Variants in AP3B2 observed in about 807,000 individuals in gnomAD.
AP3B2 encodes AP-3 complex subunit beta-2.
Under a neutral mutation model 126.9 loss-of-function variants are expected in AP3B2, and 50 were observed. The observed-to-expected ratio is 0.39, with a 90% CI of 0.31 to 0.50. AP3B2 has a LOEUF of 0.50. AP3B2 is among the 20% of genes least tolerant of loss of function. The pLI, the probability that AP3B2 is intolerant of heterozygous loss-of-function variation, is 0.79. For synonymous variants in AP3B2, 541 were observed against 565.0 expected (o/e 0.96, Z 0.60); for missense variants, 1,177 against 1,426.4 (o/e 0.83, Z 2.82).
chr15:82,682,091 C>G (rs1209750362), intron 4 of AP3B2, among the ~76,000 whole-genome samples: 1 of 121,668 alleles, frequency 8.2e-6, no homozygotes, highest in African/African-American at 3.1e-5. Flanking sequence ...CTCGCTCTGT[C>G]GCCAGGCTGG....
intron 10 of AP3B2, 26 bp downstream of exon 10, chr15:82,679,703 C>T (rs1256853689): frequency 1.2e-6 from 2 of 1,603,304 alleles, no homozygotes; most frequent in Non-Finnish European, 1.7e-6. Context: ...GGCTGGGAAG[C>T]ACATGCACTT....
chr15:82,689,437 C>G lies in AP3B2; in HGVS notation c.130G>C (p.Glu44Gln). Residue 44 changes from glutamate to glutamine, a missense_variant, in exon 2 of 27, where the codon GAG (glutamate) becomes CAG (glutamine). Transcript: ENST00000535359. ...SDYKRHDDLK[E>Q]MLDTNKDSLK... ...GAATCCTTGTTGGTGTCCAGCATCT[C>G]CTTCAGGTCATCATGCCTGGTGGGA... 1 of 1,613,678 alleles carries G rather than the reference C, an allele frequency of 6.2e-7. No individual in the cohort carries two copies. The highest frequency in any genetic ancestry group is 8.5e-7 in the Non-Finnish European group (1 of 1,179,812).
intron 13 of AP3B2, 103 bp from the exon 14 acceptor site, chr15:82,676,740 T>C: frequency 8.4e-7 from 1 of 1,193,156 alleles, no homozygotes; most frequent in Non-Finnish European, 1.2e-6. Context: ...TGCTGGCCTG[T>C]TGTATTATGG....
chr15:82,663,104 G>C, intron 22 of AP3B2, 23 bp downstream of exon 22: 3 of 1,588,366 alleles, frequency 1.9e-6, no homozygotes, highest in South Asian at 1.1e-5. Flanking sequence ...CCCCAGCCCG[G>C]TCCCCTCCTC....
At chr15:82,675,062 T>G (rs999882797) in intron 14 of AP3B2, among the ~76,000 whole-genome samples, 1 of 152,162 alleles carries the variant, frequency 6.6e-6, no homozygotes, top group African/African-American at 2.4e-5. Flanking sequence ...CACTTGCTCC[T>G]TCCTCCCACC....
At chr15:82,695,032 G>A (rs1041981923) in intron 1 of AP3B2, among the ~76,000 whole-genome samples, 2 of 151,754 alleles carry the variant, frequency 1.3e-5, no homozygotes, top group African/African-American at 4.8e-5. Flanking sequence ...AAATCCCTTG[G>A]AATTTCCTGG....
rs546533086 is a variant in AP3B2 at position 82,681,557 on chromosome 15, G to A, written c.384C>T (p.Ala128=). The A allele has an allele frequency of 3.1e-6, 5 of 1,613,734 alleles. No individual in the cohort carries two copies. The highest frequency in any genetic ancestry group is 2.7e-5 in the African/African-American group (2 of 75,038). Residue 128 remains alanine (A), a synonymous_variant, in exon 5 of 27, where the codon GCC becomes GCT. Transcript: ENST00000535359. The surrounding 1 kb of genome is among the most constrained non-coding windows in gnomAD (Gnocchi z 4.0). ...GLKDPNQLIR[A]SALRVLSSIR... ...TGCTAGAGAGGACACGGAGGGCACT[G>A]GCACGAATCAGCTGGTTGGGATCCT...
chr15:82,662,348 C>T, intron 23 of AP3B2, 96 bp from the exon 24 acceptor site: 1 of 937,826 alleles, frequency 1.1e-6, no homozygotes, highest in Non-Finnish European at 1.7e-6. Context: ...TCCACTGTCA[C>T]AGCTGACCAG....
chr15:82,659,677 G>A lies in AP3B2; in HGVS notation c.3189C>T (p.Leu1063=), dbSNP rs777678002. 19 of 1,613,794 alleles carry A rather than the reference G, an allele frequency of 1.2e-5. No individual in the cohort carries two copies. Among genetic ancestry groups the A allele is most frequent in the East Asian group, 2.2e-5 (1 of 44,880 alleles). Residue 1063 remains leucine, a synonymous_variant, in exon 27 of 27, where the codon CTC becomes CTT. Transcript: ENST00000535359. ...GCCGGGCATCCAGGGTCAGCAGAAC[G>A]AGGCTTCCACCAGTCAGTGTCCTCC... ...FAGRTLTGGS[L]VLLTLDARPA...
At chr15:82,702,867 T>A (rs544323521) in intron 1 of AP3B2, among the ~76,000 whole-genome samples, 1 of 152,266 alleles carries the variant, frequency 6.6e-6, no homozygotes, top group African/African-American at 2.4e-5. Flanking sequence ...ATCCACCTAA[T>A]GACCTCGGGT....
chr15:82,664,818 C>T lies in AP3B2; in HGVS notation c.2137+17G>A, dbSNP rs766650830. ...ATGGGCAGAGCACAGAGGACCCCAG[C>T]TCTGCCATCTGCTCACCACTGTCTG... On this transcript the variant is annotated intron_variant, in intron 18 of 26. Coordinates refer to ENST00000535359, the MANE Select transcript of AP3B2 (RefSeq NM_001278512.2). This position sits in a 1 kb window ranked among gnomAD's most constrained non-coding sequence, Gnocchi z 4.5. 1 of 1,555,654 alleles carries T rather than the reference C, an allele frequency of 6.4e-7. No individual in the cohort carries two copies. The highest frequency in any genetic ancestry group is 8.8e-7 in the Non-Finnish European group (1 of 1,140,998).
rs1256884047 is a variant in AP3B2, at chr15:82,666,498, G to GGA, written c.1852+247_1852+248dup. On this transcript the variant is annotated intron_variant, in intron 15 of 26. Coordinates refer to ENST00000535359, the MANE Select transcript of AP3B2 (RefSeq NM_001278512.2). ...GGGAGATGGAAAAGGGAGCCTGAGA[G>GGA]GAGAGGAGGCACAAGTCCATCCTGG... is the stretch of plus-strand genomic sequence containing the variant. 1.3e-5 allele frequency among the ~76,000 whole-genome samples: 2 copies of GGA among 152,234 alleles called. 1 individual carries two copies. Among genetic ancestry groups the GGA allele is most frequent in the Non-Finnish European group, 2.9e-5 (2 of 68,044 alleles).
At chr15:82,662,071 A>T in intron 24 of AP3B2, 97 bp downstream of exon 24, 1 of 1,340,954 alleles carries the variant, frequency 7.5e-7, no homozygotes, top group Admixed American at 2.0e-5. Context: ...CCCAATCATG[A>T]TGTATCCCCA....
At chr15:82,679,673 TGG>T (rs2048300210) in intron 10 of AP3B2, 54 bp downstream of exon 10, 1 of 1,400,632 alleles carries the variant, frequency 7.1e-7, no homozygotes, top group African/African-American at 1.7e-5. Context: ...GTTATTTGAG[TGG>T]GTACATGGGG....
intron 4 of AP3B2, among the ~76,000 whole-genome samples, chr15:82,683,049 T>TTTG (rs2048369333): frequency 1.0e-4 from 7 of 66,684 alleles, no homozygotes; most frequent in Non-Finnish European, 1.8e-4. Flanking sequence ...CACCAGGAGT[T>TTTG]TTTTTTTTTT....
chr15:82,670,956 ACATCATTGAG>A (rs1306078812), intron 14 of AP3B2, among the ~76,000 whole-genome samples: 8 of 152,358 alleles, frequency 5.3e-5, no homozygotes, highest in African/African-American at 1.7e-4. Context: ...AAGGTGATCA[ACATCATTGAG>A]CATCAGAGAA....
Position 82,681,615 on chromosome 15 carries a change from G to A in AP3B2, c.361-35C>T, listed in dbSNP as rs1288242173. 6.2e-6 allele frequency: 10 copies of A among 1,601,682 alleles called. No homozygotes were observed. The South Asian group carries it at 7.8e-5, about 12-fold the overall frequency. On this transcript the variant is annotated intron_variant, in intron 4 of 26. Coordinates refer to ENST00000535359, the MANE Select transcript of AP3B2 (RefSeq NM_001278512.2). The surrounding 1 kb of genome is among the most constrained non-coding windows in gnomAD (Gnocchi z 4.0). Reference sequence around the variant, plus strand: ...GAGGTGGAGGCAGAGCTATGAAAGGGCACCAGGTGCCCTGATGGGGGGAGG... The same window carrying A: ...GAGGTGGAGGCAGAGCTATGAAAGGACACCAGGTGCCCTGATGGGGGGAGG...
At chr15:82,685,944 T>C (rs139625456) in intron 4 of AP3B2, 91 of 152,296 alleles carry the variant, frequency 6.0e-4, no homozygotes, top group African/African-American at 2.0e-3. Flanking sequence ...CCTAACAAGA[T>C]AGAAAAATGC....
intron 1 of AP3B2, among the ~76,000 whole-genome samples, chr15:82,697,420 G>A (rs1419392892): frequency 6.6e-6 from 1 of 152,148 alleles, no homozygotes; most frequent in Non-Finnish European, 1.5e-5. Context: ...TCAGAAATTG[G>A]GGATAGCACT....
Sources: allele counts gnomAD v4.1 joint callset (sites outside exome capture counted in the v4.1 genomes callset), GRCh38; gene constraint gnomAD v4.1.1; non-coding constraint Gnocchi (gnomAD v3.1); transcripts MANE v1.5; gene names NCBI Gene and HGNC (gene_info 2026-07-23, HGNC 2026-07-21).